The following NAV1 variants were observed in gnomAD, a reference collection of about 807,000 sequenced individuals.
The protein encoded by NAV1 is neuron navigator 1.
NAV1 carries 18 observed loss-of-function variants against 175.2 expected under a neutral mutation model. The observed-to-expected ratio is 0.10, with a 90% CI of 0.07 to 0.15. The LOEUF (loss-of-function observed/expected upper bound fraction) is 0.15. NAV1 is among the 10% of genes least tolerant of loss of function. The pLI, the probability that NAV1 is intolerant of heterozygous loss-of-function variation, is 1.00. For missense variants in NAV1, 1,731 were observed against 2,436.6 expected, an observed-to-expected ratio of 0.71 and a Z score of 6.10; for synonymous variants, 897 against 978.7, an observed-to-expected ratio of 0.92 and a Z score of 1.56.
chr1:201,710,136 A>G lies in NAV1; in HGVS notation c.758-2681A>G, dbSNP rs543291240. Reference sequence around the variant, plus strand: ...AATGCAGCATGACTCTCCTGAGGCTACTGTGTGGTTTAAACATTTTTCCTT... The same window carrying G: ...AATGCAGCATGACTCTCCTGAGGCTGCTGTGTGGTTTAAACATTTTTCCTT... On this transcript the variant is annotated intron_variant, in intron 1 of 29. Transcript: ENST00000367296. Among the ~76,000 whole-genome samples, 5 of 147,418 alleles carry G rather than the reference A, an allele frequency of 3.4e-5. No individual in the cohort carries two copies. In the South Asian group the frequency reaches 1.1e-3, roughly 33 times the overall value.
At chr1:201,792,936 G>T (rs913864184) in intron 13 of NAV1, 2 of 152,230 alleles carry the variant, frequency 1.3e-5, no homozygotes, top group Non-Finnish European at 2.9e-5. Flanking sequence ...CTGCATGAAG[G>T]AGCTGCGCAG....
exon 29 of NAV1, chr1:201,817,235 G>A (rs1430161275): frequency 6.2e-7 from 1 of 1,614,112 alleles, no homozygotes; most frequent in African/African-American, 1.3e-5. Flanking sequence ...ACCTCCCGAG[G>A]ATAGGACAGT....
intron 1 of NAV1, among the ~76,000 whole-genome samples, chr1:201,684,135 C>G (rs185505747): frequency 2.0e-5 from 3 of 152,064 alleles, no homozygotes; most frequent in Non-Finnish European, 4.4e-5. Flanking sequence ...CCTTGCTTTT[C>G]GGCCCTACAA....
rs186664667 is a variant in NAV1 at position 201,749,796 on chromosome 1, G to A, written c.1227-30625G>A. ...CATACCTGTGGTCCTGGCTACTCAG[G>A]AGGCTGAGGTTGGAGGATCACTTGA... On this transcript the variant is annotated intron_variant, in intron 3 of 29. Coordinates refer to ENST00000367296, the Ensembl canonical transcript of NAV1. 4.6e-3 allele frequency among the ~76,000 whole-genome samples: 701 copies of A among 152,274 alleles called. 8 individuals are homozygous for A. The highest frequency in any genetic ancestry group is 0.016 in the African/African-American group (657 of 41,556).
At position 201,807,216 on chromosome 1, in the gene NAV1, G is replaced by A. The variant is rs928200877; in HGVS notation, c.3649-737G>A. Among the ~76,000 whole-genome samples the A allele has an allele frequency of 4.9e-4, 75 of 152,254 alleles. No homozygotes were observed. The highest frequency in any genetic ancestry group is 1.7e-3 in the African/African-American group (72 of 41,560). Reference sequence around the variant, plus strand: ...ATTATAATGCCCCAAGTACTCTAAAGAAATGCTGGGAAATAGCCCTTCTTC... The same window carrying A: ...ATTATAATGCCCCAAGTACTCTAAAAAAATGCTGGGAAATAGCCCTTCTTC... On this transcript the variant is annotated intron_variant, in intron 17 of 29. Transcript: ENST00000367296. This position sits in a 1 kb window ranked among gnomAD's most constrained non-coding sequence, Gnocchi z 5.4.
intron 1 of NAV1, among the ~76,000 whole-genome samples, chr1:201,549,073 TTTTCTCTTTCTTTCTTTCTTTC>T (rs1665751066): frequency 6.7e-6 from 1 of 148,670 alleles, no homozygotes; most frequent in Non-Finnish European, 1.5e-5. Context: ...GATATTCTAG[TTTTCTCTTTCTTTCTTTCTTTC>T]TTTCTTTCTT....
chr1:201,717,024 G>A (rs1372426414), intron 2 of NAV1, among the ~76,000 whole-genome samples: 2 of 152,182 alleles, frequency 1.3e-5, no homozygotes, highest in African/African-American at 2.4e-5. Context: ...TTGCCCACAG[G>A]ACTACTGCCA....
At chr1:201,568,683 T>A (rs1262523424) in intron 1 of NAV1, among the ~76,000 whole-genome samples, 1 of 152,192 alleles carries the variant, frequency 6.6e-6, no homozygotes. Flanking sequence ...GAAGTTGTTG[T>A]AAGGATTCAA....
intron 1 of NAV1, among the ~76,000 whole-genome samples, chr1:201,546,876 T>G (rs1241939413): frequency 6.8e-6 from 1 of 146,840 alleles, no homozygotes; most frequent in Non-Finnish European, 1.5e-5. Context: ...TGCACTCCAG[T>G]CTGGGAGACA....
At chr1:201,703,028 C>A (rs909204389) in intron 1 of NAV1, among the ~76,000 whole-genome samples, 2 of 152,140 alleles carry the variant, frequency 1.3e-5, no homozygotes, top group African/African-American at 4.8e-5. Context: ...AGAAATCCCC[C>A]AGGGCCTCCT....
At chr1:201,661,265 G>A (rs188716466) in intron 1 of NAV1, among the ~76,000 whole-genome samples, 16 of 152,224 alleles carry the variant, frequency 1.1e-4, no homozygotes, top group Admixed American at 3.9e-4. Flanking sequence ...TATAGGAATC[G>A]GTTCTCTCTT....
At chr1:201,600,013 C>G (rs763069740) in intron 2 of NAV1, among the ~76,000 whole-genome samples, 9 of 152,214 alleles carry the variant, frequency 5.9e-5, no homozygotes, top group Non-Finnish European at 1.3e-4. Flanking sequence ...GAGGAGACAG[C>G]TTGGGCCCGG....
intron 3 of NAV1, among the ~76,000 whole-genome samples, chr1:201,774,183 G>C (rs1675781031): frequency 6.6e-6 from 1 of 152,170 alleles, no homozygotes; most frequent in African/African-American, 2.4e-5. Context: ...AGAGAAATGG[G>C]AGGGAGACAG....
chr1:201,710,831 G>C (rs1179006268), intron 1 of NAV1, among the ~76,000 whole-genome samples: 1 of 152,170 alleles, frequency 6.6e-6, no homozygotes, highest in East Asian at 1.9e-4. Flanking sequence ...TGCATGCAAA[G>C]GGTCTGGCAC....
upstream of NAV1, among the ~76,000 whole-genome samples, chr1:201,645,302 C>T (rs942758048): frequency 2.0e-5 from 3 of 146,744 alleles, no homozygotes; most frequent in African/African-American, 7.6e-5. Context: ...ATCGCAAGGA[C>T]AAAAAACCAA....
At chr1:201,777,610 G>T (rs1268456323) in intron 3 of NAV1, among the ~76,000 whole-genome samples, 1 of 149,104 alleles carries the variant, frequency 6.7e-6, no homozygotes, top group Non-Finnish European at 1.5e-5. Flanking sequence ...TTTTTTTCAA[G>T]CCATTCAAAT....
intron 1 of NAV1, among the ~76,000 whole-genome samples, chr1:201,542,892 T>C (rs1486331409): frequency 6.6e-6 from 1 of 152,274 alleles, no homozygotes; most frequent in Non-Finnish European, 1.5e-5. Context: ...AAAGCTTTCA[T>C]AAATGGAATT....
chr1:201,562,999 C>T (rs1384867396), intron 1 of NAV1, among the ~76,000 whole-genome samples: 1 of 152,202 alleles, frequency 6.6e-6, no homozygotes, highest in Non-Finnish European at 1.5e-5. Flanking sequence ...CAGGAACACG[C>T]ATAGTAAATA....
At chr1:201,765,381 C>CTTTTTTTTTTTTTTT (rs59583786) in intron 3 of NAV1, among the ~76,000 whole-genome samples, 10 of 98,596 alleles carry the variant, frequency 1.0e-4, no homozygotes, top group Non-Finnish European at 9.6e-5. Context: ...AGGAAATATT[C>CTTTTTTTTTTTTTTT]TTTTTTTTTT....
Sources: gnomAD v4.1 joint callset for allele counts (sites outside exome capture counted in the v4.1 genomes callset) on GRCh38, gnomAD v4.1.1 for gene constraint, Gnocchi (gnomAD v3.1) non-coding constraint, MANE v1.5 for transcripts, NCBI Gene and HGNC (gene_info 2026-07-23, HGNC 2026-07-21) for gene names.